RPRD1A: variants seen among roughly 807,000 people sequenced by gnomAD.
RPRD1A encodes regulation of nuclear pre-mRNA domain-containing protein 1A.
RPRD1A carries 9 observed loss-of-function variants against 37.8 expected under a neutral mutation model. The ratio of observed to expected loss-of-function variants is 0.24; its 90% confidence interval spans 0.14 to 0.42. The LOEUF (loss-of-function observed/expected upper bound fraction) is 0.42, where lower values mean the gene tolerates loss of function less well. Among genes scored for constraint, RPRD1A ranks in the 10% least tolerant of loss-of-function variants. The pLI, the probability that RPRD1A is intolerant of heterozygous loss-of-function variation, is 1.00. For synonymous variants in RPRD1A, 138 were observed against 139.7 expected (o/e 0.99, Z 0.08); for missense variants, 255 against 371.0 (o/e 0.69, Z 2.57).
At chr18:36,052,034 G>A (rs1352903797) in intron 1 of RPRD1A, among the ~76,000 whole-genome samples, 1 of 151,678 alleles carries the variant, frequency 6.6e-6, no homozygotes, top group Non-Finnish European at 1.5e-5. Flanking sequence ...ATTATAATCA[G>A]TCAAAAACAA....
chr18:35,995,001 T>C (rs984855107), intron 6 of RPRD1A, among the ~76,000 whole-genome samples: 1 of 152,094 alleles, frequency 6.6e-6, no homozygotes, highest in African/African-American at 2.4e-5. Context: ...TGGTTAAGAA[T>C]CACAGTACAC....
intron 6 of RPRD1A, among the ~76,000 whole-genome samples, chr18:36,000,732 G>A (rs780177427): frequency 6.6e-6 from 1 of 152,114 alleles, no homozygotes; most frequent in Non-Finnish European, 1.5e-5. Flanking sequence ...TACTAACCAT[G>A]TATTATAGAT....
chr18:36,011,760 AAAT>A (rs1249324331), intron 6 of RPRD1A, among the ~76,000 whole-genome samples: 1 of 152,138 alleles, frequency 6.6e-6, no homozygotes, highest in Non-Finnish European at 1.5e-5. Context: ...CCTATAAGTA[AAAT>A]AATAGCTTAT....
At chr18:36,046,355 G>A (rs1215895172) in intron 1 of RPRD1A, among the ~76,000 whole-genome samples, 1 of 152,084 alleles carries the variant, frequency 6.6e-6, no homozygotes, top group Non-Finnish European at 1.5e-5. Flanking sequence ...GAGGCCTAGT[G>A]GAACAACAGG....
intron 1 of RPRD1A, among the ~76,000 whole-genome samples, chr18:36,048,155 C>T (rs1298426159): frequency 6.6e-6 from 1 of 151,506 alleles, no homozygotes; most frequent in Non-Finnish European, 1.5e-5. Context: ...CAACCTCCAC[C>T]TCCCAGGTTC....
At chr18:36,029,414 C>T (rs972938414) in intron 4 of RPRD1A, among the ~76,000 whole-genome samples, 1 of 152,138 alleles carries the variant, frequency 6.6e-6, no homozygotes, top group Non-Finnish European at 1.5e-5. Context: ...TAATTTCTGG[C>T]AACCCCATGT....
intron 6 of RPRD1A, chr18:36,025,474 T>G: frequency 2.4e-6 from 1 of 422,800 alleles, no homozygotes; most frequent in Non-Finnish European, 4.0e-6. Context: ...ACAGTTACAC[T>G]TCAAATATAA....
chr18:36,041,492 A>G (rs1407215586), intron 1 of RPRD1A, among the ~76,000 whole-genome samples: 1 of 152,202 alleles, frequency 6.6e-6, no homozygotes, highest in African/African-American at 2.4e-5. Context: ...CCTTAACCCT[A>G]AGATAATTTT....
chr18:36,060,254 A>G (rs2088880305), intron 1 of RPRD1A, among the ~76,000 whole-genome samples: 2 of 151,432 alleles, frequency 1.3e-5, no homozygotes. Flanking sequence ...ACACGGTAAA[A>G]CCCCCATCTC....
At chr18:36,031,984 A>G (rs1911825206) in intron 2 of RPRD1A, among the ~76,000 whole-genome samples, 1 of 152,234 alleles carries the variant, frequency 6.6e-6, no homozygotes, top group Non-Finnish European at 1.5e-5. Context: ...CATATAAGCT[A>G]TCTCATTTTT....
At chr18:36,046,848 G>C (rs1030144558) in intron 1 of RPRD1A, among the ~76,000 whole-genome samples, 32 of 145,232 alleles carry the variant, frequency 2.2e-4, no homozygotes, top group African/African-American at 8.0e-4. Flanking sequence ...AAAAAACCTA[G>C]AGTCTCATAA....
intron 6 of RPRD1A, chr18:36,025,643 G>T (rs959844467): frequency 2.3e-6 from 3 of 1,288,778 alleles, no homozygotes; most frequent in Non-Finnish European, 3.0e-6. Context: ...TACTAATGGT[G>T]ACGACATCGT....
chr18:36,022,241 G>A (rs1381493274), intron 6 of RPRD1A, among the ~76,000 whole-genome samples: 1 of 152,234 alleles, frequency 6.6e-6, no homozygotes, highest in African/African-American at 2.4e-5. Flanking sequence ...ATGGAAAGAA[G>A]CTGTCTCCGT....
intron 1 of RPRD1A, among the ~76,000 whole-genome samples, chr18:36,041,880 G>A (rs2144340019): frequency 6.6e-6 from 1 of 152,338 alleles, no homozygotes; most frequent in Non-Finnish European, 1.5e-5. Context: ...CAGCAGAGGT[G>A]GGTGAAAAGT....
intron 1 of RPRD1A, among the ~76,000 whole-genome samples, chr18:36,038,214 C>T (rs62101399): frequency 0.12 from 17,617 of 152,196 alleles, 1,259 homozygotes; most frequent in East Asian, 0.25. Flanking sequence ...GCAGCCTCTC[C>T]CATCACAGGC....
intron 1 of RPRD1A, among the ~76,000 whole-genome samples, chr18:36,051,400 C>CT (rs1913386493): frequency 6.6e-6 from 1 of 152,088 alleles, no homozygotes; most frequent in African/African-American, 2.4e-5. Context: ...ATATAATAGA[C>CT]TAAAAAGGCT....
chr18:36,047,571 A>G (rs984599868), intron 1 of RPRD1A, among the ~76,000 whole-genome samples: 4 of 152,216 alleles, frequency 2.6e-5, no homozygotes, highest in Non-Finnish European at 4.4e-5. Flanking sequence ...ATACAACTGA[A>G]AAGCCTCTAG....
Position 35,992,869 on chromosome 18 carries a change from C to T in RPRD1A, c.*282G>A. 1 of 250,678 alleles carries T rather than the reference C, an allele frequency of 4.0e-6. No individual in the cohort carries two copies. 15.5% of individuals were successfully genotyped at this position (250,678 alleles called of 1,614,324 possible). On this transcript the variant is annotated 3_prime_UTR_variant, in exon 7 of 7. Transcript: ENST00000399022. ...TACAAACAAGAGATTTCTCACAAGG[C>T]CTTGGATCAAAAAAAAAATTTACAA...
chr18:35,998,130 G>A (rs971966667), intron 6 of RPRD1A, among the ~76,000 whole-genome samples: 27 of 152,280 alleles, frequency 1.8e-4, no homozygotes, highest in Middle Eastern at 3.4e-3. Context: ...AGGCCAAGGC[G>A]GGCGGATCAC....
Sources: gnomAD v4.1 joint callset for allele counts (sites outside exome capture counted in the v4.1 genomes callset) on GRCh38, gnomAD v4.1.1 for gene constraint, MANE v1.5 for transcripts, NCBI Gene and HGNC (gene_info 2026-07-23, HGNC 2026-07-21) for gene names.